Variants in UCMA observed in about 807,000 individuals in gnomAD.
The protein encoded by UCMA is upper zone of growth plate and cartilage matrix associated.
Under a neutral mutation model 21.8 loss-of-function variants are expected in UCMA, and 21 were observed. The observed-to-expected ratio is 0.97, with a 90% CI of 0.68 to 1.39. The LOEUF (loss-of-function observed/expected upper bound fraction) is 1.39, where lower values mean the gene tolerates loss of function less well. UCMA is among the 40% of genes most tolerant of loss of function. The probability of loss-of-function intolerance (pLI) is 0.00; values close to 1 mark genes in which losing one functional copy is unlikely to be tolerated. For synonymous variants in UCMA, 76 were observed against 67.9 expected, an observed-to-expected ratio of 1.12 and a Z score of -0.58; for missense variants, 193 against 178.9, an observed-to-expected ratio of 1.08 and a Z score of -0.45.
At chr10:13,231,226 T>C (rs1313522833) in intron 3 of UCMA, among the ~76,000 whole-genome samples, 1 of 152,150 alleles carries the variant, frequency 6.6e-6, no homozygotes, top group Non-Finnish European at 1.5e-5. Flanking sequence ...GTCTGGAATG[T>C]TTCTTCCCAA....
Position 13,222,046 on chromosome 10 carries a change from C to T in UCMA, c.*57G>A. 6 of 1,589,186 alleles carry T rather than the reference C, an allele frequency of 3.8e-6. No individual in the cohort carries two copies. Among genetic ancestry groups the T allele is most frequent in the Non-Finnish European group, 5.2e-6 (6 of 1,158,538 alleles). On this transcript the variant is annotated 3_prime_UTR_variant, in exon 5 of 5. Coordinates refer to ENST00000378681, the MANE Select transcript of UCMA (RefSeq NM_145314.3). ...GTTTGCATGGGAAAGATTGCTGGAA[C>T]ACGGGGATGCCAATGGTGCTACAAG...
Position 13,233,746 on chromosome 10 carries a change from T to G in UCMA, c.113A>C (p.Glu38Ala), listed in dbSNP as rs755341460. Residue 38 changes from glutamate to alanine, a missense_variant, in exon 2 of 5, where the codon GAG (glutamate) becomes GCG (alanine). Physicochemically the swap from Glu to Ala is moderately radical, Grantham distance 107. Coordinates refer to ENST00000378681, the MANE Select transcript of UCMA (RefSeq NM_145314.3). ...GCCCCTGCACTCACCTTCACTCGCC[T>G]CTTCTCCCGCCATCTGCATGGTGCC... ...SVGTMQMAGEEASEDAKQKIF... is the reference protein window; with the variant it reads ...SVGTMQMAGEAASEDAKQKIF... The G allele has an allele frequency of 6.2e-7, 1 of 1,613,938 alleles. No individual in the cohort carries two copies. Among genetic ancestry groups the G allele is most frequent in the South Asian group, 1.1e-5 (1 of 91,082 alleles).
chr10:13,231,920 C>A (rs924202877), intron 3 of UCMA, among the ~76,000 whole-genome samples: 17 of 152,170 alleles, frequency 1.1e-4, no homozygotes, highest in African/African-American at 4.1e-4. Context: ...TCCTGCTATC[C>A]ACAGGAGTTG....
At chr10:13,225,456 CCTGAAGT>C (rs1430458020) in intron 4 of UCMA, among the ~76,000 whole-genome samples, 1 of 151,962 alleles carries the variant, frequency 6.6e-6, no homozygotes, top group Admixed American at 6.6e-5. Context: ...GGGCAGATCA[CCTGAAGT>C]CAGGAGTTCA....
intron 3 of UCMA, among the ~76,000 whole-genome samples, 189 bp downstream of exon 3, chr10:13,233,349 A>G (rs1395273044): frequency 6.6e-6 from 1 of 151,756 alleles, no homozygotes; most frequent in Admixed American, 6.6e-5. Context: ...ATTCAATCCA[A>G]TATACGACCT....
chr10:13,233,284 G>T (rs1196971958), intron 3 of UCMA, among the ~76,000 whole-genome samples: 1 of 152,250 alleles, frequency 6.6e-6, no homozygotes, highest in Non-Finnish European at 1.5e-5. Context: ...CAGGACAAGA[G>T]GACCTGTCTC....
intron 3 of UCMA, among the ~76,000 whole-genome samples, chr10:13,230,360 A>G (rs982460798): frequency 2.6e-5 from 4 of 152,196 alleles, no homozygotes; most frequent in Non-Finnish European, 5.9e-5. Context: ...CTATAATTCA[A>G]TAAGGAGAAA....
chr10:13,221,950 A>G lies in UCMA; in HGVS notation c.*153T>C, dbSNP rs1834762192. On this transcript the variant is annotated 3_prime_UTR_variant, in exon 5 of 5. Coordinates refer to ENST00000378681, the MANE Select transcript of UCMA (RefSeq NM_145314.3). ...AGTCAGGACACTTTCACACACTGGAAGGAAAGGCATGCGTCTTTTCAAGAG... is the reference window on the plus strand; with the variant it reads ...AGTCAGGACACTTTCACACACTGGAGGGAAAGGCATGCGTCTTTTCAAGAG... 1 of 705,646 alleles carries G rather than the reference A, an allele frequency of 1.4e-6. No homozygotes were observed. The highest frequency in any genetic ancestry group is 1.8e-5 in the African/African-American group (1 of 56,634). 43.7% of individuals were successfully genotyped at this position (705,646 alleles called of 1,614,324 possible).
intron 3 of UCMA, 68 bp downstream of exon 3, chr10:13,233,470 A>T: frequency 7.7e-7 from 1 of 1,290,550 alleles, no homozygotes; most frequent in South Asian, 1.3e-5. Context: ...ACTGTGGGAG[A>T]GGAGGAGCCG....
intron 4 of UCMA, 89 bp downstream of exon 4, chr10:13,229,522 A>G: frequency 7.9e-7 from 1 of 1,262,292 alleles, no homozygotes; most frequent in Non-Finnish European, 1.1e-6. Context: ...AGAAAAAAAA[A>G]AAAAGTTGGG....
chr10:13,225,309 T>C (rs1446004458), intron 4 of UCMA, among the ~76,000 whole-genome samples: 1 of 149,604 alleles, frequency 6.7e-6, no homozygotes, highest in Non-Finnish European at 1.5e-5. Context: ...GTAGTCCCAG[T>C]GGGCATTCCT....
intron 4 of UCMA, among the ~76,000 whole-genome samples, chr10:13,229,053 A>C (rs891443693): frequency 6.6e-6 from 1 of 152,002 alleles, no homozygotes; most frequent in Middle Eastern, 3.2e-3. Context: ...CTCCAGCCTC[A>C]GCCTCCTGAG....
At chr10:13,227,646 G>T (rs1834839188) in intron 4 of UCMA, among the ~76,000 whole-genome samples, 1 of 150,980 alleles carries the variant, frequency 6.6e-6, no homozygotes, top group Non-Finnish European at 1.5e-5. Context: ...TGAACTCGGA[G>T]CGGGAGGTTG....
chr10:13,232,412 T>G (rs186413737), intron 3 of UCMA, among the ~76,000 whole-genome samples: 72 of 148,782 alleles, frequency 4.8e-4, no homozygotes, highest in African/African-American at 1.8e-3. Context: ...AGAAGCTATT[T>G]GCCTGGCCTA....
chr10:13,229,685 A>T lies in UCMA; in HGVS notation c.245T>A (p.Val82Asp), dbSNP rs1347235348. The change falls in exon 4 of 5, where the codon GTT becomes GAT. Residue 82 changes from valine (V) to aspartate (D), a missense_variant. Coordinates refer to ENST00000378681, the MANE Select transcript of UCMA (RefSeq NM_145314.3). ...VNVENRQKLRVDELRREYYEE... is the reference protein window; with the variant it reads ...VNVENRQKLRDDELRREYYEE... Reference sequence around the variant, plus strand: ...GTAATATTCTCTCCGCAGCTCATCAACCCGAAGCTTCTGCCTGTTTTCCAC... The same window carrying T: ...GTAATATTCTCTCCGCAGCTCATCATCCCGAAGCTTCTGCCTGTTTTCCAC... 1.9e-6 allele frequency: 3 copies of T among 1,614,026 alleles called. No homozygotes were observed. Among genetic ancestry groups the T allele is most frequent in the South Asian group, 1.1e-5 (1 of 91,058 alleles).
intron 3 of UCMA, 93 bp from the exon 4 acceptor site, chr10:13,229,802 C>T: frequency 9.8e-7 from 1 of 1,022,926 alleles, no homozygotes; most frequent in Non-Finnish European, 1.5e-6. Flanking sequence ...GAGAAGTCAC[C>T]TGGTTGGGGG....
At position 13,234,280 on chromosome 10, in the gene UCMA, G is replaced by A. The variant is rs941640480; in HGVS notation, c.-22C>T. ...TCATCTTTGCAGAGGTAGGGGCTCC[G>A]TCCAGGACCCACAAGGCAGACCAGG... On this transcript the variant is annotated 5_prime_UTR_variant, in exon 1 of 5. In the 5' UTR this introduces an upstream ATG that the reference lacks. Transcript: ENST00000378681. The A allele has an allele frequency of 1.7e-5, 27 of 1,612,490 alleles. No homozygotes were observed. Among genetic ancestry groups the A allele is most frequent in the Admixed American group, 1.3e-4 (8 of 59,828 alleles).
chr10:13,225,827 AC>A (rs1387912314), intron 4 of UCMA, among the ~76,000 whole-genome samples: 3 of 151,972 alleles, frequency 2.0e-5, no homozygotes, highest in Non-Finnish European at 4.4e-5. Context: ...GGCAAGCAGA[AC>A]CCCGTGCAAC....
rs753833225 is a variant in UCMA at position 13,221,817 on chromosome 10, C to T, written c.*286G>A. 3 of 417,486 alleles carry T rather than the reference C, an allele frequency of 7.2e-6. No individual in the cohort carries two copies. Among genetic ancestry groups the T allele is most frequent in the Non-Finnish European group, 8.6e-6 (2 of 231,626 alleles). The allele number at this position is 417,486 out of a possible 1,614,324, so 25.9% of individuals were successfully genotyped here. ...CCATAAGCAAACATGTGATTCTTGA[C>T]TGATTCTTTTGCTTGGGAACGAAGC... is the stretch of plus-strand genomic sequence containing the variant. On this transcript the variant is annotated 3_prime_UTR_variant, in exon 5 of 5. Coordinates refer to ENST00000378681, the MANE Select transcript of UCMA (RefSeq NM_145314.3).
Sources: allele counts gnomAD v4.1 joint callset (sites outside exome capture counted in the v4.1 genomes callset), GRCh38; gene constraint gnomAD v4.1.1; transcripts MANE v1.5; gene names NCBI Gene and HGNC (gene_info 2026-07-23, HGNC 2026-07-21).